Variants in CENPP observed in about 807,000 individuals in gnomAD.
The protein encoded by CENPP is centromere protein P.
A neutral mutation model predicts 35.6 loss-of-function variants in CENPP; 24 were observed. That is an observed-to-expected ratio of 0.67 (90% CI 0.49 to 0.95). The LOEUF is 0.95. Ranked by LOEUF, CENPP falls within the 40% of genes least tolerant of loss-of-function variation. The pLI is 0.00. For synonymous variants in CENPP, 120 were observed against 125.5 expected, an observed-to-expected ratio of 0.96 and a Z score of 0.29; for missense variants, 332 against 345.3, an observed-to-expected ratio of 0.96 and a Z score of 0.31.
At chr9:92,441,874 G>T (rs1219859287) in intron 5 of CENPP, among the ~76,000 whole-genome samples, 1 of 152,142 alleles carries the variant, frequency 6.6e-6, no homozygotes, top group African/African-American at 2.4e-5. Context: ...GGAACAGTTG[G>T]CAAGTTGAAC....
At chr9:92,357,804 C>T (rs971640958) in intron 4 of CENPP, among the ~76,000 whole-genome samples, 1 of 152,010 alleles carries the variant, frequency 6.6e-6, no homozygotes, top group Non-Finnish European at 1.5e-5. Context: ...CACTATCTCC[C>T]TCACTTTTTA....
chr9:92,475,228 G>C (rs1380409441), intron 5 of CENPP, among the ~76,000 whole-genome samples: 1 of 152,032 alleles, frequency 6.6e-6, no homozygotes, highest in Non-Finnish European at 1.5e-5. Context: ...TTATATAATG[G>C]TTAAAGGGGA....
rs148331892 is a variant in CENPP at position 92,525,065 on chromosome 9, C to A, written c.565-86249C>A. On this transcript the variant is annotated intron_variant, in intron 5 of 7. Coordinates refer to ENST00000375587, the MANE Select transcript of CENPP (RefSeq NM_001012267.3). ...TGTGGCTCATGCCTGTAATCCCAGC[C>A]CTATAGGAGGCCGAAACCAAGGTGG... Among the ~76,000 whole-genome samples, 11 of 152,186 alleles carry A rather than the reference C, an allele frequency of 7.2e-5. 1 individual carries two copies. The East Asian group carries it at 2.1e-3, about 29-fold the overall frequency.
intron 5 of CENPP, among the ~76,000 whole-genome samples, chr9:92,410,797 G>A (rs149124547): frequency 6.6e-6 from 1 of 152,218 alleles, no homozygotes; most frequent in Admixed American, 6.5e-5. Flanking sequence ...TCCAACTCAT[G>A]TGCACTTTAT....
Position 92,618,960 on chromosome 9 carries a change from C to T in CENPP, c.*5811C>T, listed in dbSNP as rs1181424482. ...GATTATCAGTTTCATCCCGAATTCCCAGAAACAGAGGGGACTGGACAAAAC... is the reference window on the plus strand; with the variant it reads ...GATTATCAGTTTCATCCCGAATTCCTAGAAACAGAGGGGACTGGACAAAAC... On this transcript the variant is annotated 3_prime_UTR_variant, in exon 8 of 8. Transcript: ENST00000375587. 1.5e-5 allele frequency: 4 copies of T among 274,992 alleles called. No homozygotes were observed. Among genetic ancestry groups the T allele is most frequent in the Non-Finnish European group, 2.8e-5 (4 of 141,376 alleles). 17.0% of individuals were successfully genotyped at this position (274,992 alleles called of 1,614,324 possible).
chr9:92,386,088 T>G, intron 5 of CENPP: 1 of 772,792 alleles, frequency 1.3e-6, no homozygotes, highest in African/African-American at 1.7e-5. Context: ...GCTATCACGC[T>G]ACTACAGTGA....
At chr9:92,336,628 G>A (rs1269005324) in intron 2 of CENPP, among the ~76,000 whole-genome samples, 1 of 152,106 alleles carries the variant, frequency 6.6e-6, no homozygotes, top group Non-Finnish European at 1.5e-5. Flanking sequence ...AAAACTAGAT[G>A]ACTACGTAAA....
chr9:92,364,754 A>C (rs1277082620), intron 4 of CENPP, among the ~76,000 whole-genome samples: 1 of 152,240 alleles, frequency 6.6e-6, no homozygotes, highest in Non-Finnish European at 1.5e-5. Flanking sequence ...AGTTTTATGA[A>C]GCTTACAACC....
intron 5 of CENPP, among the ~76,000 whole-genome samples, chr9:92,394,445 G>A (rs1408123109): frequency 6.7e-6 from 1 of 149,884 alleles, no homozygotes; most frequent in Non-Finnish European, 1.5e-5. Context: ...TATAGACAAG[G>A]TTTCACCATG....
chr9:92,520,676 T>A (rs943360916), intron 5 of CENPP, among the ~76,000 whole-genome samples: 3 of 152,218 alleles, frequency 2.0e-5, no homozygotes, highest in African/African-American at 7.2e-5. Flanking sequence ...GCTGTGTTAT[T>A]CATGATAGCC....
chr9:92,335,740 C>T (rs1009317755), intron 2 of CENPP, among the ~76,000 whole-genome samples: 1 of 152,096 alleles, frequency 6.6e-6, no homozygotes, highest in African/African-American at 2.4e-5. Context: ...GTTCTATTGA[C>T]CTATTTGTAT....
intron 1 of CENPP, among the ~76,000 whole-genome samples, chr9:92,327,553 C>CT (rs1324950926): frequency 6.6e-6 from 1 of 152,174 alleles, no homozygotes; most frequent in Non-Finnish European, 1.5e-5. Flanking sequence ...GGGAAGCTGA[C>CT]TTAATATTTA....
At chr9:92,366,397 T>C (rs1005695043) in intron 4 of CENPP, among the ~76,000 whole-genome samples, 4 of 152,150 alleles carry the variant, frequency 2.6e-5, no homozygotes, top group Admixed American at 6.5e-5. Flanking sequence ...AAACCAGATA[T>C]ACAAAACACT....
At position 92,611,189 on chromosome 9, in the gene CENPP, T is replaced by C. The variant is rs140691544; in HGVS notation, c.565-125T>C. 2.3e-3 allele frequency: 1,745 copies of C among 752,014 alleles called. 4 individuals carry two copies. The highest frequency in any genetic ancestry group is 3.4e-3 in the Non-Finnish European group (1,476 of 428,432). The allele number at this position is 752,014 out of a possible 1,614,324, so 46.6% of individuals were successfully genotyped here. ...GGGCAAGAGGGGCGGTTGGCACCCA[T>C]GGATGCTGCGCAAACACTCGGACCC... On this transcript the variant is annotated intron_variant, in intron 5 of 7. Transcript: ENST00000375587.
intron 5 of CENPP, chr9:92,456,279 A>G (rs1016424693): frequency 1.3e-5 from 2 of 152,148 alleles, no homozygotes; most frequent in Non-Finnish European, 2.9e-5. Context: ...GCCAATAAGA[A>G]ATACATAAAG....
intron 5 of CENPP, among the ~76,000 whole-genome samples, chr9:92,387,097 G>C (rs1272065992): frequency 2.7e-5 from 4 of 150,722 alleles, no homozygotes; most frequent in Non-Finnish European, 5.9e-5. Flanking sequence ...GCTTAGCCGG[G>C]CATGGTGGCT....
At chr9:92,365,340 T>C (rs1006813157) in intron 4 of CENPP, among the ~76,000 whole-genome samples, 2 of 151,876 alleles carry the variant, frequency 1.3e-5, no homozygotes, top group African/African-American at 2.4e-5. Context: ...ATCAGTTTGT[T>C]ATCAACCCTA....
rs528848187 is a variant in CENPP, at chr9:92,417,502, A to T, written c.564+37643A>T. ...CCCACTGATAAGTTTCATATTGGCAATGTACTTTGACTCCAAAAAAGAAGA... is the reference window on the plus strand; with the variant it reads ...CCCACTGATAAGTTTCATATTGGCATTGTACTTTGACTCCAAAAAAGAAGA... On this transcript the variant is annotated intron_variant, in intron 5 of 7. Coordinates refer to ENST00000375587, the MANE Select transcript of CENPP (RefSeq NM_001012267.3). 5.7e-5 allele frequency: 92 copies of T among 1,613,306 alleles called. No individual in the cohort carries two copies. In the South Asian group the frequency reaches 9.1e-4, roughly 16 times the overall value.
At chr9:92,555,214 ATTTTTTTTTTTTTTTTTTT>A (rs34701393) in intron 5 of CENPP, among the ~76,000 whole-genome samples, 4 of 63,440 alleles carry the variant, frequency 6.3e-5, no homozygotes, top group African/African-American at 8.3e-5. Flanking sequence ...TTTTTTGGAA[ATTTTTTTTTTTTTTTTTTT>A]TTTTTTTTTT....
Sources: allele counts gnomAD v4.1 joint callset (sites outside exome capture counted in the v4.1 genomes callset), GRCh38; gene constraint gnomAD v4.1.1; transcripts MANE v1.5; gene names NCBI Gene and HGNC (gene_info 2026-07-23, HGNC 2026-07-21).